Variants in EPHA3 observed in about 807,000 individuals in gnomAD.
EPHA3 encodes the protein ephrin type-A receptor 3.
Under a neutral mutation model 107.1 loss-of-function variants are expected in EPHA3, and 42 were observed. The ratio of observed to expected loss-of-function variants is 0.39; its 90% CI spans 0.31 to 0.51. EPHA3 has a LOEUF of 0.51. Among genes scored for constraint, EPHA3 ranks in the 20% least tolerant of loss-of-function variants. The pLI is 0.78. For missense variants in EPHA3, 1,183 were observed against 1,211.2 expected (o/e 0.98, Z 0.35); for synonymous variants, 461 against 424.8 (o/e 1.09, Z -1.05).
chr3:89,227,863 A>C (rs1381571670), intron 3 of EPHA3, among the ~76,000 whole-genome samples: 1 of 151,984 alleles, frequency 6.6e-6, no homozygotes, highest in Non-Finnish European at 1.5e-5. Flanking sequence ...TAAATTGGAA[A>C]GGTCAAATGA....
intron 2 of EPHA3, among the ~76,000 whole-genome samples, chr3:89,189,461 C>T (rs547370667): frequency 9.2e-5 from 14 of 152,162 alleles, no homozygotes; most frequent in African/African-American, 2.6e-4. Flanking sequence ...GGCACGGTGG[C>T]GCGCACCTGT....
intron 13 of EPHA3, among the ~76,000 whole-genome samples, chr3:89,435,613 T>TTATATATGTTATATATAAATACTA (rs1559695602): frequency 2.0e-5 from 3 of 146,442 alleles, no homozygotes; most frequent in African/African-American, 7.4e-5. Context: ...TATAAATAAA[T>TTATATATGTTATATATAAATACTA]TATATATGTT....
intron 3 of EPHA3, among the ~76,000 whole-genome samples, chr3:89,311,828 C>T (rs950519574): frequency 3.3e-5 from 5 of 151,944 alleles, no homozygotes; most frequent in African/African-American, 9.7e-5. Flanking sequence ...TTCAACACTT[C>T]GGAGCTGGCA....
In EPHA3 at chr3:89,341,926, G is replaced by T. The variant is rs764139832; in HGVS notation, c.1142G>T (p.Arg381Leu). Residue 381 changes from arginine (R) to leucine (L), a missense_variant, in exon 5 of 17, where the codon CGC becomes CTC. Coordinates refer to ENST00000336596, the MANE Select transcript of EPHA3 (RefSeq NM_005233.6). Reference protein sequence around the residue: ...KQCEPCSPNVRFLPRQFGLTN... With the variant: ...KQCEPCSPNVLFLPRQFGLTN... ...TGTGAGCCATGCAGCCCAAATGTCC[G>T]CTTCCTCCCTCGACAGTTTGGACTC... 6.2e-7 allele frequency: 1 copy of T among 1,613,422 alleles called. No individual in the cohort carries two copies. The highest frequency in any genetic ancestry group is 2.2e-5 in the East Asian group (1 of 44,838).
intron 3 of EPHA3, among the ~76,000 whole-genome samples, chr3:89,328,472 G>A (rs1485948121): frequency 2.0e-5 from 3 of 152,170 alleles, no homozygotes; most frequent in Admixed American, 1.3e-4. Flanking sequence ...AAGAGATAAG[G>A]TAATCAATTT....
Position 89,209,719 on chromosome 3 carries a change from T to A in EPHA3, c.154-141T>A, listed in dbSNP as rs559552266. 15 of 682,778 alleles carry A rather than the reference T, an allele frequency of 2.2e-5. No individual in the cohort carries two copies. The African/African-American group carries it at 2.5e-4, about 12-fold the overall frequency. The allele number at this position is 682,778 out of a possible 1,614,324, so 42.3% of individuals were successfully genotyped here. A position where few individuals can be genotyped will look rare whatever the true frequency, so the allele number is the denominator to read the frequency against. ...TTTATGTCCATTAACTCAGAGAACC[T>A]TGCAAATAAAAACTACAAACAAGAA... On this transcript the variant is annotated intron_variant, in intron 2 of 16. Coordinates refer to ENST00000336596, the MANE Select transcript of EPHA3 (RefSeq NM_005233.6).
intron 16 of EPHA3, among the ~76,000 whole-genome samples, chr3:89,476,478 C>G (rs1328137039): frequency 1.4e-5 from 2 of 147,524 alleles, no homozygotes; most frequent in African/African-American, 2.5e-5. Context: ...TTAAATTTCT[C>G]AAAGAGCTCA....
chr3:89,240,162 T>A (rs73849214), intron 3 of EPHA3, among the ~76,000 whole-genome samples: 1 of 152,236 alleles, frequency 6.6e-6, no homozygotes, highest in African/African-American at 2.4e-5. Context: ...TACATTTGTA[T>A]GGCATTACTA....
intron 3 of EPHA3, among the ~76,000 whole-genome samples, chr3:89,231,614 G>T (rs945451601): frequency 6.6e-6 from 1 of 152,094 alleles, no homozygotes; most frequent in Non-Finnish European, 1.5e-5. Flanking sequence ...CGTTAGAAGT[G>T]CAGTCCTTAG....
chr3:89,280,076 A>C (rs11918639), intron 3 of EPHA3, among the ~76,000 whole-genome samples: 1,997 of 151,934 alleles, frequency 0.013, 52 homozygotes, highest in African/African-American at 0.045. Context: ...TGCACATGTC[A>C]GAGATGGGAA....
chr3:89,127,208 G>C lies in EPHA3; in HGVS notation c.89-1G>C, dbSNP rs1441700831. ...TGTTTGTGTATTATGTTTTATTTTAGTCAATCTACTGGATTCAAAAACAAT... is the reference window on the plus strand; with the variant it reads ...TGTTTGTGTATTATGTTTTATTTTACTCAATCTACTGGATTCAAAAACAAT... On this transcript the variant is annotated splice_acceptor_variant, in intron 1 of 16. Transcript: ENST00000336596. LOFTEE classifies it high-confidence loss of function. 1.2e-6 allele frequency: 2 copies of C among 1,610,246 alleles called. No homozygotes were observed. Among genetic ancestry groups the C allele is most frequent in the Non-Finnish European group, 1.7e-6 (2 of 1,176,948 alleles).
chr3:89,289,667 T>C (rs1418928870), intron 3 of EPHA3, among the ~76,000 whole-genome samples: 1 of 152,068 alleles, frequency 6.6e-6, no homozygotes, highest in Non-Finnish European at 1.5e-5. Context: ...CAGTGACAGG[T>C]AATAACTCAG....
intron 3 of EPHA3, among the ~76,000 whole-genome samples, chr3:89,268,372 G>A (rs1705586013): frequency 6.6e-6 from 1 of 152,032 alleles, no homozygotes; most frequent in Admixed American, 6.6e-5. Flanking sequence ...CTGTTCATGT[G>A]GCTAATCTTC....
intron 13 of EPHA3, among the ~76,000 whole-genome samples, chr3:89,442,180 A>C (rs1413121425): frequency 6.6e-6 from 1 of 152,204 alleles, no homozygotes; most frequent in Non-Finnish European, 1.5e-5. Flanking sequence ...AAAAGAAGAA[A>C]GGAGAAAATA....
At chr3:89,328,733 C>A (rs960277060) in intron 3 of EPHA3, among the ~76,000 whole-genome samples, 3 of 152,098 alleles carry the variant, frequency 2.0e-5, no homozygotes, top group Admixed American at 6.6e-5. Context: ...TACCTTTAAG[C>A]CCTAACCTTC....
At chr3:89,232,006 T>C (rs1255835307) in intron 3 of EPHA3, among the ~76,000 whole-genome samples, 3 of 152,070 alleles carry the variant, frequency 2.0e-5, no homozygotes, top group African/African-American at 7.2e-5. Flanking sequence ...AGGACACCTG[T>C]CACACGAAGA....
At chr3:89,120,384 G>C (rs1261933025) in intron 1 of EPHA3, among the ~76,000 whole-genome samples, 2 of 152,122 alleles carry the variant, frequency 1.3e-5, no homozygotes, top group Non-Finnish European at 2.9e-5. Context: ...GAGAAACAAA[G>C]AGCTGTTATT....
At chr3:89,151,791 G>T (rs1576186899) in intron 2 of EPHA3, among the ~76,000 whole-genome samples, 4 of 152,000 alleles carry the variant, frequency 2.6e-5, no homozygotes, top group Admixed American at 2.0e-4. Flanking sequence ...AGAAATAATA[G>T]AAATAAAATA....
chr3:89,336,662 C>G (rs550270284), intron 3 of EPHA3, among the ~76,000 whole-genome samples: 43 of 152,238 alleles, frequency 2.8e-4, no homozygotes, highest in Non-Finnish European at 5.3e-4. Context: ...TACAGCATGT[C>G]ACTGTCGTCC....
Sources: gnomAD v4.1 joint callset for allele counts (sites outside exome capture counted in the v4.1 genomes callset) on GRCh38, gnomAD v4.1.1 for gene constraint, MANE v1.5 for transcripts, NCBI Gene and HGNC (gene_info 2026-07-23, HGNC 2026-07-21) for gene names.